NTRK1: variants seen among roughly 807,000 people sequenced by gnomAD.
The protein encoded by NTRK1 is high affinity nerve growth factor receptor.
A neutral mutation model predicts 86.8 loss-of-function variants in NTRK1; 62 were observed. The observed-to-expected ratio is 0.71, with a 90% CI of 0.58 to 0.88. The LOEUF is 0.88. Ranked by LOEUF, NTRK1 falls within the 40% of genes least tolerant of loss-of-function variation. NTRK1 has a pLI of 0.00. For missense variants in NTRK1, 967 were observed against 1,078.4 expected, an observed-to-expected ratio of 0.90 and a Z score of 1.45; for synonymous variants, 469 against 456.6, an observed-to-expected ratio of 1.03 and a Z score of -0.35.
chr1:156,873,948 A>T lies in NTRK1; in HGVS notation c.1166A>T (p.Asp389Val). 6.4e-7 allele frequency: 1 copy of T among 1,553,048 alleles called. No homozygotes were observed. Among genetic ancestry groups the T allele is most frequent in the Non-Finnish European group, 8.7e-7 (1 of 1,147,844 alleles). ...AACCCTTTCGAGTTCAACCCCGAGG[A>T]CCCCATCCCTGGTGCGAGGGCCATC... Reference protein sequence around the residue: ...MDNPFEFNPEDPIPVSFSPVD... With the variant: ...MDNPFEFNPEVPIPVSFSPVD... Residue 389 changes from aspartate to valine, a missense_variant, in exon 8 of 17, where the codon GAC becomes GTC. Asp to Val is a radical substitution (Grantham distance 152). Coordinates refer to ENST00000524377, the MANE Select transcript of NTRK1 (RefSeq NM_002529.4).
chr1:156,874,237 C>T, intron 8 of NTRK1, 146 bp from the exon 9 acceptor site: 1 of 1,275,502 alleles, frequency 7.8e-7, no homozygotes, highest in South Asian at 1.2e-5. Context: ...CATCTTCTTC[C>T]TTGAGGCCCA....
chr1:156,858,385 T>C (rs1655484941), upstream of NTRK1: 3 of 646,452 alleles, frequency 4.6e-6, no homozygotes, highest in Middle Eastern at 2.6e-4. Context: ...ACTAACTGCT[T>C]TTCCTGCTGG....
intron 2 of NTRK1, chr1:156,846,814 A>T (rs1655031812): frequency 7.1e-7 from 1 of 1,398,826 alleles, no homozygotes; most frequent in Admixed American, 1.7e-5. Context: ...AAGTTCTGGC[A>T]CCCCCGCTCT....
In NTRK1 at chr1:156,841,894, G is replaced by C. The variant is rs1654803458; in HGVS notation, c.-63-187G>C. 3.8e-6 allele frequency: 6 copies of C among 1,599,216 alleles called. No homozygotes were observed. In the East Asian group the frequency reaches 1.3e-4, roughly 36 times the overall value. On this transcript the variant is annotated intron_variant, in intron 1 of 16. Transcript: ENST00000392302. ...TCTCCCAATCTTCTCATCCTCCAGA[G>C]TCACCAAGAACCCTGGAAAGTAGGG...
intron 2 of NTRK1, chr1:156,853,667 T>C: frequency 7.6e-7 from 1 of 1,317,520 alleles, no homozygotes; most frequent in Non-Finnish European, 1.0e-6. Flanking sequence ...CTGAAAGTAC[T>C]GACCCACACC....
intron 2 of NTRK1, chr1:156,852,135 C>A (rs140347940): frequency 6.2e-7 from 1 of 1,613,070 alleles, no homozygotes; most frequent in African/African-American, 1.3e-5. Context: ...CCCAGGCATT[C>A]GGTGTGGCAG....
intron 1 of NTRK1, among the ~76,000 whole-genome samples, chr1:156,818,364 C>T (rs192427571): frequency 2.7e-4 from 41 of 152,082 alleles, no homozygotes; most frequent in African/African-American, 9.4e-4. Flanking sequence ...TTTTGGGGTA[C>T]GGTTGGGTTT....
In NTRK1 at chr1:156,874,563, C is replaced by T. The variant is rs1647776467; in HGVS notation, c.1196-8C>T. On this transcript the variant is annotated splice_region_variant and splice_polypyrimidine_tract_variant and intron_variant, in intron 9 of 16. Coordinates refer to ENST00000524377, the MANE Select transcript of NTRK1 (RefSeq NM_002529.4). The stretch of plus-strand genomic sequence containing the variant: ...AAGGCTCACCCCTCCTGCCCTGTGT[C>T]CCTACAGACACTAACAGCACATCTG... 1 of 1,613,984 alleles carries T rather than the reference C, an allele frequency of 6.2e-7. No homozygotes were observed. The highest frequency in any genetic ancestry group is 1.1e-5 in the South Asian group (1 of 91,066).
At chr1:156,841,179 C>A in intron 1 of NTRK1, 1 of 1,211,490 alleles carries the variant, frequency 8.3e-7, no homozygotes, top group South Asian at 1.3e-5. Flanking sequence ...CACTGAGGGT[C>A]AGTTGGTGGG....
At chr1:156,860,000 A>G (rs1571679962), upstream of NTRK1, among the ~76,000 whole-genome samples, 1 of 152,062 alleles carries the variant, frequency 6.6e-6, no homozygotes, top group South Asian at 2.1e-4. The surrounding 1 kb of genome is among the most constrained non-coding windows in gnomAD (Gnocchi z 6.2). Context: ...CCTCAGCTCC[A>G]CCCGCGGGCG....
chr1:156,853,187 C>T (rs986703655), intron 2 of NTRK1, among the ~76,000 whole-genome samples: 1 of 152,158 alleles, frequency 6.6e-6, no homozygotes, highest in Non-Finnish European at 1.5e-5. Context: ...CTCCTGCTCA[C>T]CCCCAACCTC....
intron 2 of NTRK1, chr1:156,845,885 G>C: frequency 6.3e-7 from 1 of 1,598,162 alleles, no homozygotes; most frequent in Non-Finnish European, 8.5e-7. Flanking sequence ...CACCTGCCGG[G>C]GCCCTGCGCC....
In NTRK1 at chr1:156,875,015, C is replaced by A; in HGVS notation, c.1354+7C>A. The A allele has an allele frequency of 6.3e-7, 1 of 1,597,232 alleles. No individual in the cohort carries two copies. The highest frequency in any genetic ancestry group is 8.6e-7 in the Non-Finnish European group (1 of 1,164,820). ...AACAAGTTTGGGATCAACCGTGAGT[C>A]GGGGCTGCAGAGGGCTGTCTGTCTG... is the stretch of plus-strand genomic sequence containing the variant. On this transcript the variant is annotated splice_region_variant and intron_variant, in intron 11 of 16. Coordinates refer to ENST00000524377, the MANE Select transcript of NTRK1 (RefSeq NM_002529.4).
chr1:156,848,878 C>T lies in NTRK1; in HGVS notation c.50+6685C>T, dbSNP rs1232274702. 4.5e-6 allele frequency: 7 copies of T among 1,540,504 alleles called. No homozygotes were observed. In the Admixed American group the frequency reaches 6.0e-5, roughly 13 times the overall value. On this transcript the variant is annotated intron_variant, in intron 2 of 16. Coordinates refer to the NTRK1 transcript ENST00000392302. Reference sequence around the variant, plus strand: ...CCTGTGGTCCCGAAGAAATTGGCCTCGTCCGGTCCCGCCCCCGCTCCGGCC... The same window carrying T: ...CCTGTGGTCCCGAAGAAATTGGCCTTGTCCGGTCCCGCCCCCGCTCCGGCC...
chr1:156,853,733 G>T (rs1368495246), intron 2 of NTRK1: 2 of 1,583,366 alleles, frequency 1.3e-6, no homozygotes, highest in East Asian at 2.3e-5. Context: ...CTACATTCAT[G>T]TTCTGTGCCA....
intron 2 of NTRK1, chr1:156,851,574 C>A: frequency 1.2e-6 from 2 of 1,611,140 alleles, no homozygotes; most frequent in South Asian, 2.2e-5. Flanking sequence ...TGAGTTGGGT[C>A]ATTGTAAGGG....
chr1:156,833,293 A>T (rs528549210), intron 1 of NTRK1, among the ~76,000 whole-genome samples: 1 of 152,378 alleles, frequency 6.6e-6, no homozygotes, highest in East Asian at 1.9e-4. Flanking sequence ...GTGGTGGCTC[A>T]TGCCTGTAAT....
chr1:156,851,213 A>G, intron 2 of NTRK1: 1 of 1,578,416 alleles, frequency 6.3e-7, no homozygotes, highest in Non-Finnish European at 8.7e-7. Context: ...TCCAGAGCCC[A>G]TTCTCTTCAC....
chr1:156,816,862 G>C lies in NTRK1; in HGVS notation c.-64+1024G>C, dbSNP rs1176034912. The C allele has an allele frequency of 9.9e-6, 6 of 605,772 alleles. No individual in the cohort carries two copies. The South Asian group carries it at 1.8e-4, about 18-fold the overall frequency. 37.5% of individuals were successfully genotyped at this position (605,772 alleles called of 1,614,324 possible). A position where few individuals can be genotyped will look rare whatever the true frequency, so the allele number is the denominator to read the frequency against. On this transcript the variant is annotated intron_variant, in intron 1 of 16. Coordinates refer to the NTRK1 transcript ENST00000392302. ...AGCCTTAGTTCTGGCGAGGACTCACGTCATGGAAAGCCTTAAGACGATTGT... is the reference window on the plus strand; with the variant it reads ...AGCCTTAGTTCTGGCGAGGACTCACCTCATGGAAAGCCTTAAGACGATTGT...
Sources: gnomAD v4.1 joint callset for allele counts (sites outside exome capture counted in the v4.1 genomes callset) on GRCh38, gnomAD v4.1.1 for gene constraint, Gnocchi (gnomAD v3.1) non-coding constraint, MANE v1.5 for transcripts, NCBI Gene and HGNC (gene_info 2026-07-23, HGNC 2026-07-21) for gene names.